LRIG2: variants seen among roughly 807,000 people sequenced by gnomAD.
The protein encoded by LRIG2 is leucine rich repeats and immunoglobulin like domains 2.
A neutral mutation model predicts 107.8 loss-of-function variants in LRIG2; 93 were observed. The observed-to-expected ratio is 0.86, with a 90% CI of 0.73 to 1.03. The LOEUF is 1.03. Ranked by LOEUF, LRIG2 falls within the 50% of genes least tolerant of loss-of-function variation. The pLI is 0.00. For synonymous variants in LRIG2, 471 were observed against 470.6 expected (o/e 1.00, Z -0.01); for missense variants, 1,226 against 1,296.0 (o/e 0.95, Z 0.83).
At chr1:113,112,422 C>CAT (rs1212857308) in intron 13 of LRIG2, 57 bp from the exon 14 acceptor site, 7 of 1,492,072 alleles carry the variant, frequency 4.7e-6, no homozygotes, top group Non-Finnish European at 6.4e-6. Flanking sequence ...TATTTGTATG[C>CAT]ATATATGTGT....
chr1:113,118,929 G>GTAATC (rs1655127741), intron 16 of LRIG2, among the ~76,000 whole-genome samples: 1 of 152,210 alleles, frequency 6.6e-6, no homozygotes, highest in Non-Finnish European at 1.5e-5. Context: ...CTCCCAAAGT[G>GTAATC]CTGGGATTAC....
intron 1 of LRIG2, among the ~76,000 whole-genome samples, chr1:113,082,406 T>A (rs1262807596): frequency 2.0e-5 from 3 of 152,224 alleles, no homozygotes; most frequent in African/African-American, 7.2e-5. Flanking sequence ...TGCACTGCTA[T>A]ATACAATTAA....
chr1:113,127,995 C>T lies in LRIG2; in HGVS notation c.*3894C>T, dbSNP rs922113638. 6.6e-6 allele frequency: 1 copy of T among 152,164 alleles called. No homozygotes were observed. Among genetic ancestry groups the T allele is most frequent in the African/African-American group, 2.4e-5 (1 of 41,430 alleles). The allele number at this position is 152,164 out of a possible 1,614,324, so 9.4% of individuals were successfully genotyped here. ...TTCTTTGTGCTTTCAGATTTCCTTA[C>T]ACTTCCTGTCCAGTTCTCTCTTCTA... On this transcript the variant is annotated 3_prime_UTR_variant, in exon 18 of 18. Coordinates refer to ENST00000361127, the MANE Select transcript of LRIG2 (RefSeq NM_014813.3).
intron 8 of LRIG2, 106 bp from the exon 9 acceptor site, chr1:113,098,599 A>ATCAGAAT: frequency 1.4e-6 from 1 of 699,244 alleles, no homozygotes; most frequent in Non-Finnish European, 2.6e-6. Flanking sequence ...TAAAGTAAGG[A>ATCAGAAT]TCAGAATTAG....
chr1:113,076,841 C>A (rs917191489), intron 1 of LRIG2, among the ~76,000 whole-genome samples: 4 of 152,102 alleles, frequency 2.6e-5, no homozygotes, highest in African/African-American at 9.7e-5. Flanking sequence ...ATTATTTGAT[C>A]ATTCAGAGCT....
chr1:113,120,311 A>C (rs983514103), intron 17 of LRIG2, among the ~76,000 whole-genome samples: 2 of 151,262 alleles, frequency 1.3e-5, no homozygotes, highest in African/African-American at 4.8e-5. Context: ...TTAGCCTAAC[A>C]TGGTGGTGCA....
At chr1:113,119,173 C>T (rs1339063956) in intron 16 of LRIG2, 60 bp from the exon 17 acceptor site, 60 of 1,516,132 alleles carry the variant, frequency 4.0e-5, no homozygotes, top group Non-Finnish European at 4.8e-5. Context: ...AGAAAACTGA[C>T]GATTGGCAAA....
chr1:113,097,105 C>T (rs17031010), intron 8 of LRIG2, among the ~76,000 whole-genome samples: 4,403 of 151,784 alleles, frequency 0.029, 215 homozygotes, highest in African/African-American at 0.1. Flanking sequence ...GCAGTTTCCA[C>T]GCTAAAATTC....
chr1:113,119,247 C>T lies in LRIG2; in HGVS notation c.2695C>T (p.Arg899Trp), dbSNP rs375681331. The T allele has an allele frequency of 8.1e-6, 13 of 1,609,994 alleles. No homozygotes were observed. Among genetic ancestry groups the T allele is most frequent in the East Asian group, 6.7e-5 (3 of 44,762 alleles). ...CTTGTTATTAGGTGGCACTGGTACC[C>T]GGGTGATTTGCTCAGATTGTTATGA... ...HKGTDGGTGT[R>W]VICSDCYDNA... The change falls in exon 17 of 18, where the codon CGG becomes TGG. Residue 899 changes from arginine to tryptophan, a missense_variant. Around this residue, in one of 3 missense-constraint regions of LRIG2, gnomAD observed 642 missense variants for 712.2 expected, o/e 0.90. Coordinates refer to ENST00000361127, the MANE Select transcript of LRIG2 (RefSeq NM_014813.3).
rs745957182 is a variant in LRIG2 at position 113,095,981 on chromosome 1, C to G, written c.911C>G (p.Pro304Arg). 3 of 1,614,178 alleles carry G rather than the reference C, an allele frequency of 1.9e-6. No individual in the cohort carries two copies. In the South Asian group the frequency reaches 3.3e-5, roughly 18 times the overall value. The change falls in exon 7 of 18, where the codon CCT becomes CGT. Residue 304 changes from proline (P) to arginine (R), a missense_variant. Transcript: ENST00000361127. ...VSQNAIERIS[P>R]DAWEFCQRLS... ...CAGAATGCTATTGAAAGAATCAGCCCTGATGCATGGGAGTTCTGCCAAAGA... is the reference window on the plus strand; with the variant it reads ...CAGAATGCTATTGAAAGAATCAGCCGTGATGCATGGGAGTTCTGCCAAAGA...
rs139077162 is a variant in LRIG2, at chr1:113,114,117, G to C, written c.2081-310G>C. 2.1e-3 allele frequency among the ~76,000 whole-genome samples: 320 copies of C among 151,670 alleles called. 1 individual carries two copies. Among genetic ancestry groups the C allele is most frequent in the Middle Eastern group, 6.8e-3 (2 of 294 alleles). On this transcript the variant is annotated intron_variant, in intron 14 of 17. Transcript: ENST00000361127. Reference sequence around the variant, plus strand: ...CACATTTTGTAGTAAACATCTTTGCGTATAAATCTTTGAATTTCTTTTTTT... The same window carrying C: ...CACATTTTGTAGTAAACATCTTTGCCTATAAATCTTTGAATTTCTTTTTTT...
intron 1 of LRIG2, among the ~76,000 whole-genome samples, chr1:113,089,549 C>T (rs1653698184): frequency 1.3e-5 from 2 of 152,042 alleles, no homozygotes; most frequent in East Asian, 1.9e-4. Flanking sequence ...GTGGATTTAG[C>T]CAGTTAATAT....
chr1:113,084,036 A>ATT (rs1457425292), intron 1 of LRIG2, among the ~76,000 whole-genome samples: 1 of 135,180 alleles, frequency 7.4e-6, no homozygotes, highest in Admixed American at 8.1e-5. Context: ...TAATAATAAT[A>ATT]ATAATATTGG....
Position 113,127,019 on chromosome 1 carries a change from A to C in LRIG2, c.*2918A>C, listed in dbSNP as rs1655508509. ...GACACAGTATTGAAATACCAGACTGAGTTTCAGTTGTTTCTAGTTGTGTTC... is the reference window on the plus strand; with the variant it reads ...GACACAGTATTGAAATACCAGACTGCGTTTCAGTTGTTTCTAGTTGTGTTC... On this transcript the variant is annotated 3_prime_UTR_variant, in exon 18 of 18. Transcript: ENST00000361127. 6.6e-6 allele frequency: 1 copy of C among 152,298 alleles called. No individual in the cohort carries two copies. The highest frequency in any genetic ancestry group is 2.4e-5 in the African/African-American group (1 of 41,450). The allele number at this position is 152,298 out of a possible 1,614,324, so 9.4% of individuals were successfully genotyped here.
chr1:113,119,347 A>G lies in LRIG2; in HGVS notation c.2795A>G (p.Gln932Arg). 1.9e-6 allele frequency: 3 copies of G among 1,614,112 alleles called. No individual in the cohort carries two copies. Among genetic ancestry groups the G allele is most frequent in the Non-Finnish European group, 2.5e-6 (3 of 1,180,026 alleles). ...TYIAEEDVLDQTLSSLMVQMP... is the reference protein window; with the variant it reads ...TYIAEEDVLDRTLSSLMVQMP... ...ATTGCTGAGGAGGACGTTCTTGATC[A>G]GACACTGTCCAGCCTCATGGTCCAA... The change falls in exon 17 of 18, where the codon CAG (glutamine) becomes CGG (arginine). Residue 932 changes from glutamine (Q) to arginine (R), a missense_variant. Coordinates refer to ENST00000361127, the MANE Select transcript of LRIG2 (RefSeq NM_014813.3).
rs1393225326 is a variant in LRIG2, at chr1:113,095,954, G to A, written c.884G>A (p.Ser295Asn). ...CGAATGTTACAGCAGCTCTATGTGA[G>A]CCAGAATGCTATTGAAAGAATCAGC... Reference protein sequence around the residue: ...GLRMLQQLYVSQNAIERISPD... With the variant: ...GLRMLQQLYVNQNAIERISPD... Residue 295 changes from serine (S) to asparagine (N), a missense_variant, in exon 7 of 18, where the codon AGC becomes AAC. Ser to Asn is a conservative substitution (Grantham distance 46). This residue lies in a region of LRIG2 where 570 missense variants were observed against 550.2 expected (regional missense o/e 1.04). Transcript: ENST00000361127. 3.1e-6 allele frequency: 5 copies of A among 1,614,068 alleles called. No homozygotes were observed. The highest frequency in any genetic ancestry group is 2.7e-5 in the African/African-American group (2 of 74,932).
intron 1 of LRIG2, among the ~76,000 whole-genome samples, chr1:113,081,625 A>G (rs1653291859): frequency 6.6e-6 from 1 of 151,678 alleles, no homozygotes; most frequent in South Asian, 2.1e-4. Context: ...GGTTCAAGCA[A>G]TTCTCCTGCC....
chr1:113,110,635 G>C (rs41299575), intron 13 of LRIG2, 73 bp downstream of exon 13: 12,420 of 1,083,336 alleles, frequency 0.011, 101 homozygotes, highest in Non-Finnish European at 0.013. Context: ...TCACTTGAGA[G>C]AATTAGACTA....
chr1:113,079,413 C>G (rs768392690), intron 1 of LRIG2, among the ~76,000 whole-genome samples: 1 of 150,050 alleles, frequency 6.7e-6, no homozygotes, highest in Non-Finnish European at 1.5e-5. Flanking sequence ...TGGCCGGGCA[C>G]AGTGCTCACA....
Sources: gnomAD v4.1 joint callset for allele counts (sites outside exome capture counted in the v4.1 genomes callset) on GRCh38, gnomAD v4.1.1 for gene constraint, gnomAD v4.1.1 regional missense constraint, MANE v1.5 for transcripts, NCBI Gene and HGNC (gene_info 2026-07-23, HGNC 2026-07-21) for gene names.